Variants in SMU1 observed in about 807,000 individuals in gnomAD.
The protein encoded by SMU1 is SMU1 DNA replication regulator and spliceosomal factor, also known as WD40 repeat-containing protein SMU1.
SMU1 carries 2 observed loss-of-function variants against 62.0 expected under a neutral mutation model. The observed-to-expected ratio is 0.03, with a 90% CI of 0.01 to 0.10. SMU1 has a LOEUF of 0.10. SMU1 is among the 10% of genes least tolerant of loss of function. SMU1 has a pLI of 1.00. For synonymous variants in SMU1, 188 were observed against 212.4 expected (o/e 0.89, Z 1.00); for missense variants, 227 against 622.1 (o/e 0.36, Z 6.76).
intron 10 of SMU1, among the ~76,000 whole-genome samples, chr9:33,050,606 T>C (rs1169413312): frequency 6.9e-6 from 1 of 145,716 alleles, no homozygotes; most frequent in Non-Finnish European, 1.5e-5. Flanking sequence ...GGCGAGTGCA[T>C]CACGAGGTCA....
chr9:33,076,602 T>C lies in SMU1; in HGVS notation c.7A>G (p.Ile3Val). 3.7e-6 allele frequency: 6 copies of C among 1,613,956 alleles called. No homozygotes were observed. The highest frequency in any genetic ancestry group is 5.1e-6 in the Non-Finnish European group (6 of 1,180,042). The stretch of plus-strand genomic sequence containing the variant: ...ACTCACTCCGAAGATTCGATTTCGA[T>C]CGACATAGCCGTATCTCTCCGGGAG... The part of the protein sequence containing the change: MS[I>V]EIESSDVIRL... Residue 3 changes from isoleucine (I) to valine (V), a missense_variant, in exon 1 of 12, where the codon ATC becomes GTC. Physicochemically the swap from Ile to Val is conservative, Grantham distance 29. Transcript: ENST00000397149.
chr9:33,072,833 A>AG (rs1409122670), intron 2 of SMU1, among the ~76,000 whole-genome samples: 1 of 151,700 alleles, frequency 6.6e-6, no homozygotes. Context: ...TGTCTCAAAA[A>AG]AAAAACAAAA....
chr9:33,063,092 T>G (rs1192344418), intron 4 of SMU1, among the ~76,000 whole-genome samples: 1 of 152,188 alleles, frequency 6.6e-6, no homozygotes, highest in African/African-American at 2.4e-5. Flanking sequence ...CCAAGCATGG[T>G]GGCTCACGCC....
chr9:33,050,949 G>A lies in SMU1; in HGVS notation c.1290+2174C>T, dbSNP rs1288381426. 1.1e-4 allele frequency among the ~76,000 whole-genome samples: 12 copies of A among 105,344 alleles called. 1 individual carries two copies. The highest frequency in any genetic ancestry group is 2.6e-4 in the South Asian group (1 of 3,854). The allele number at this position is 105,344 out of a possible 152,430, so 69.1% of individuals were successfully genotyped here. On this transcript the variant is annotated intron_variant, in intron 10 of 11. Transcript: ENST00000397149. ...ATCCTGGCTAACACGGTGAAACCCC[G>A]TCTCTACTAAAAATACAAAAAATTA...
rs1368981521 is a variant in SMU1 at position 33,051,129 on chromosome 9, A to AT, written c.1290+1993_1290+1994insA. 1.7e-4 allele frequency among the ~76,000 whole-genome samples: 12 copies of AT among 68,818 alleles called. 2 individuals are homozygous for AT. In the East Asian group the frequency reaches 2.1e-3, roughly 12 times the overall value. 45.1% of individuals were successfully genotyped at this position (68,818 alleles called of 152,430 possible). A position where few individuals can be genotyped will look rare whatever the true frequency, so the allele number is the denominator to read the frequency against. On this transcript the variant is annotated intron_variant, in intron 10 of 11. Transcript: ENST00000397149. Reference sequence around the variant, plus strand: ...GAGCGAGACTCTGTCTCAAAAAAAAAAAAAAATAAAAATAAAAATAAAAAA... The same window carrying AT: ...GAGCGAGACTCTGTCTCAAAAAAAAATAAAAAATAAAAATAAAAATAAAAAA...
intron 9 of SMU1, among the ~76,000 whole-genome samples, chr9:33,055,730 A>C (rs1839296742): frequency 1.3e-5 from 2 of 152,210 alleles, no homozygotes; most frequent in South Asian, 4.1e-4. Flanking sequence ...CTGTGCAACA[A>C]AAAAGAGATC....
chr9:33,070,703 G>A (rs894967460), intron 3 of SMU1, among the ~76,000 whole-genome samples: 5 of 152,188 alleles, frequency 3.3e-5, no homozygotes, highest in African/African-American at 1.2e-4. Context: ...ACATATAAAA[G>A]AATGAAATCC....
chr9:33,072,485 T>C (rs941888345), intron 2 of SMU1, among the ~76,000 whole-genome samples: 1 of 152,174 alleles, frequency 6.6e-6, no homozygotes, highest in Non-Finnish European at 1.5e-5. Context: ...AGAGAAACCT[T>C]TCTCCAGTTA....
chr9:33,072,272 G>C (rs1038473954), intron 2 of SMU1, among the ~76,000 whole-genome samples: 1 of 152,214 alleles, frequency 6.6e-6, no homozygotes, highest in African/African-American at 2.4e-5. Context: ...GAGAGGCGGA[G>C]AGTGCAGTGA....
At chr9:33,057,074 T>A in intron 7 of SMU1, 110 bp from the exon 8 acceptor site, 2 of 1,145,556 alleles carry the variant, frequency 1.7e-6, no homozygotes, top group African/African-American at 1.6e-5. Flanking sequence ...TGAAACAGCA[T>A]TAAAAATGCA....
intron 6 of SMU1, among the ~76,000 whole-genome samples, chr9:33,058,457 C>T (rs528066990): frequency 1.2e-4 from 19 of 152,124 alleles, no homozygotes; most frequent in Non-Finnish European, 2.8e-4. Flanking sequence ...GCCGGGATTA[C>T]AGGTCCGCAC....
In SMU1 at chr9:33,046,273, C is replaced by T. The variant is rs1839183427; in HGVS notation, c.*1020G>A. The T allele has an allele frequency of 6.6e-6, 1 of 152,156 alleles. No homozygotes were observed. Among genetic ancestry groups the T allele is most frequent in the Non-Finnish European group, 1.5e-5 (1 of 68,042 alleles). 9.4% of individuals were successfully genotyped at this position (152,156 alleles called of 1,614,324 possible). On this transcript the variant is annotated 3_prime_UTR_variant, in exon 12 of 12. Coordinates refer to ENST00000397149, the MANE Select transcript of SMU1 (RefSeq NM_018225.3). ...ATGCCAAAACTCTGAATTCTTGTAA[C>T]GGATCCTGCAACTAGTTCTATCCAG...
At chr9:33,052,276 A>G (rs1167192403) in intron 10 of SMU1, among the ~76,000 whole-genome samples, 1 of 145,812 alleles carries the variant, frequency 6.9e-6, no homozygotes. Flanking sequence ...GAAGAGCGAA[A>G]CACAGGAACT....
chr9:33,063,794 CCCA>C, intron 4 of SMU1, among the ~76,000 whole-genome samples: 1 of 152,050 alleles, frequency 6.6e-6, no homozygotes, highest in Admixed American at 6.5e-5. Flanking sequence ...CCCTGACACC[CCCA>C]CCACCATCTG....
chr9:33,066,760 C>A (rs188819515), intron 4 of SMU1, among the ~76,000 whole-genome samples: 2 of 150,924 alleles, frequency 1.3e-5, no homozygotes, highest in Non-Finnish European at 3.0e-5. Context: ...GAGCCAAGAT[C>A]GTGCCACTGC....
At chr9:33,059,609 TTG>T (rs1344524819) in intron 6 of SMU1, among the ~76,000 whole-genome samples, 23 of 148,598 alleles carry the variant, frequency 1.5e-4, no homozygotes, top group Admixed American at 1.3e-3. Flanking sequence ...TTGTTTTGTT[TTG>T]TTTTTTCCCC....
intron 4 of SMU1, among the ~76,000 whole-genome samples, chr9:33,066,487 C>T (rs1251481990): frequency 7.8e-6 from 1 of 127,990 alleles, no homozygotes; most frequent in Non-Finnish European, 1.6e-5. Flanking sequence ...CACAGCAAGG[C>T]TCTGTGTTCC....
Position 33,041,768 on chromosome 9 carries a change from T to C in SMU1, c.*5525A>G, listed in dbSNP as rs1386449335. ...ACACAGCCATTAAAAGGAATACTTT[T>C]TATACTTCCCCCAAATATGAAGCAC... On this transcript the variant is annotated 3_prime_UTR_variant, in exon 12 of 12. Coordinates refer to ENST00000397149, the MANE Select transcript of SMU1 (RefSeq NM_018225.3). The C allele has an allele frequency of 6.6e-6, 1 of 152,184 alleles. No homozygotes were observed. Among genetic ancestry groups the C allele is most frequent in the Admixed American group, 6.5e-5 (1 of 15,274 alleles). The allele number at this position is 152,184 out of a possible 1,614,324, so 9.4% of individuals were successfully genotyped here.
At chr9:33,074,335 G>A (rs1839518565) in intron 1 of SMU1, among the ~76,000 whole-genome samples, 1 of 151,962 alleles carries the variant, frequency 6.6e-6, no homozygotes, top group South Asian at 2.1e-4. Context: ...ATGGTGGCAT[G>A]TGCCTGTAGT....
Sources: allele counts gnomAD v4.1 joint callset (sites outside exome capture counted in the v4.1 genomes callset), GRCh38; gene constraint gnomAD v4.1.1; transcripts MANE v1.5; gene names NCBI Gene and HGNC (gene_info 2026-07-23, HGNC 2026-07-21).